The following TMEM106A variants were observed in gnomAD, a reference collection of about 807,000 sequenced individuals.
The protein encoded by TMEM106A is transmembrane protein 106A.
In TMEM106A, 22 loss-of-function variants were observed where a neutral mutation model predicts 25.1. That is an observed-to-expected ratio of 0.88 (90% CI 0.63 to 1.25). TMEM106A has a LOEUF of 1.25. TMEM106A is among the 50% of genes most tolerant of loss of function. The probability of loss-of-function intolerance (pLI) is 0.00; values close to 1 mark genes in which losing one functional copy is unlikely to be tolerated. For synonymous variants in TMEM106A, 104 were observed against 129.9 expected (o/e 0.80, Z 1.35); for missense variants, 275 against 318.1 (o/e 0.86, Z 1.03).
At chr17:43,216,161 A>T in intron 5 of TMEM106A, 1 of 671,560 alleles carries the variant, frequency 1.5e-6, no homozygotes, top group East Asian at 2.7e-5. Context: ...CAGATAAGTA[A>T]ACCACAGGGG....
At chr17:43,215,744 T>C in intron 4 of TMEM106A, 44 bp from the exon 5 acceptor site, 4 of 1,610,258 alleles carry the variant, frequency 2.5e-6, no homozygotes, top group Non-Finnish European at 3.4e-6. Context: ...TCCTTGGTGT[T>C]CAGACTTTTC....
intron 3 of TMEM106A, 34 bp downstream of exon 3, chr17:43,213,286 A>G: frequency 6.2e-7 from 1 of 1,610,370 alleles, no homozygotes; most frequent in Non-Finnish European, 8.5e-7. Context: ...ATAGCCTGGA[A>G]TCCAGGGAAA....
At chr17:43,216,144 T>A in intron 5 of TMEM106A, 2 of 711,892 alleles carry the variant, frequency 2.8e-6, no homozygotes, top group Non-Finnish European at 4.6e-6. Context: ...GGGGTCAGAA[T>A]CCGGGCCAGA....
In TMEM106A at chr17:43,212,893, CTTCCT is replaced by C. The variant is rs2057447646; in HGVS notation, c.-21-126_-21-122del. ...GACCACCCAGTTTTTCACATCCTAT[CTTCCT>C]TAGGCTTGAGCTTGCTTAAACTGTG... is the stretch of plus-strand genomic sequence containing the variant. On this transcript the variant is annotated intron_variant, in intron 2 of 8. Coordinates refer to ENST00000612339, the MANE Select transcript of TMEM106A (RefSeq NM_145041.4). 6 of 670,542 alleles carry C rather than the reference CTTCCT, an allele frequency of 8.9e-6. No individual in the cohort carries two copies. The African/African-American group carries it at 1.1e-4, about 12-fold the overall frequency. 41.5% of individuals were successfully genotyped at this position (670,542 alleles called of 1,614,324 possible).
In TMEM106A at chr17:43,217,043, G is replaced by A. The variant is rs574544598; in HGVS notation, c.615-216G>A. On this transcript the variant is annotated intron_variant, in intron 7 of 8. Coordinates refer to ENST00000612339, the MANE Select transcript of TMEM106A (RefSeq NM_145041.4). ...TGTCTCCTGAATGGGGGTCCAGCAT[G>A]TGCCTGGGCCAAGTGAGTGGAGGTC... The A allele has an allele frequency of 2.7e-5, 17 of 636,262 alleles. No individual in the cohort carries two copies. In the African/African-American group the frequency reaches 2.9e-4, roughly 11 times the overall value. The allele number at this position is 636,262 out of a possible 1,614,324, so 39.4% of individuals were successfully genotyped here.
Position 43,215,870 on chromosome 17 carries a change from A to G in TMEM106A, c.358A>G (p.Ile120Val). The G allele has an allele frequency of 1.9e-6, 3 of 1,613,888 alleles. No individual in the cohort carries two copies. The highest frequency in any genetic ancestry group is 2.5e-6 in the Non-Finnish European group (3 of 1,179,976). Residue 120 changes from isoleucine (I) to valine (V), a missense_variant, in exon 5 of 9, where the codon ATT becomes GTT. Ile to Val is a conservative substitution (Grantham distance 29, BLOSUM62 3). Transcript: ENST00000612339. ...IVFFLFPRSV[I>V]VQPAGLNSST... ...CTTTTTCCTGTTTCCCCGGTCCGTCATTGTGCAGCCTGCAGGCCTCAACTC... is the reference window on the plus strand; with the variant it reads ...CTTTTTCCTGTTTCCCCGGTCCGTCGTTGTGCAGCCTGCAGGCCTCAACTC...
rs2057480666 is a variant in TMEM106A at position 43,215,904 on chromosome 17, T to A, written c.392T>A (p.Val131Glu). ...CCTGCAGGCCTCAACTCCTCCACAG[T>A]GGCCTTTGATGAGGCTGATATCTAC... The part of the protein sequence containing the change: ...VQPAGLNSST[V>E]AFDEADIYLN... Residue 131 changes from valine (V) to glutamate (E), a missense_variant, in exon 5 of 9, where the codon GTG becomes GAG. Transcript: ENST00000612339. 2 of 1,613,978 alleles carry A rather than the reference T, an allele frequency of 1.2e-6. No homozygotes were observed. Among genetic ancestry groups the A allele is most frequent in the Admixed American group, 1.7e-5 (1 of 59,984 alleles).
In TMEM106A at chr17:43,217,697, T is replaced by C. The variant is rs775081146; in HGVS notation, c.685T>C (p.Ser229Pro). The C allele has an allele frequency of 6.2e-7, 1 of 1,614,170 alleles. No homozygotes were observed. The highest frequency in any genetic ancestry group is 8.5e-7 in the Non-Finnish European group (1 of 1,180,012). The change falls in exon 9 of 9, where the codon TCA becomes CCA. Residue 229 changes from serine to proline, a missense_variant. Coordinates refer to ENST00000612339, the MANE Select transcript of TMEM106A (RefSeq NM_145041.4). Reference protein sequence around the residue: ...LLHIQGTLTCSYLSHSEQLVF... With the variant: ...LLHIQGTLTCPYLSHSEQLVF... ...CCTCTCCAGGGGCACCCTGACCTGT[T>C]CATACCTGAGCCATTCAGAGCAGCT...
chr17:43,215,050 G>T (rs1245443124), intron 4 of TMEM106A, among the ~76,000 whole-genome samples: 2 of 151,400 alleles, frequency 1.3e-5, no homozygotes, highest in Non-Finnish European at 2.9e-5. Flanking sequence ...TTTGAGACCA[G>T]CCTGACCAAC....
At chr17:43,216,973 T>C (rs963297504) in intron 7 of TMEM106A, 26 of 633,634 alleles carry the variant, frequency 4.1e-5, no homozygotes, top group Middle Eastern at 4.3e-4. Context: ...ATATGTGACC[T>C]TGGGCTCTTC....
intron 5 of TMEM106A, among the ~76,000 whole-genome samples, chr17:43,216,244 C>A (rs2057484774): frequency 6.6e-6 from 1 of 152,158 alleles, no homozygotes; most frequent in South Asian, 2.1e-4. Context: ...ACAGGATGGA[C>A]CTGGATCCTG....
In TMEM106A at chr17:43,215,924, A is replaced by G; in HGVS notation, c.412A>G (p.Ile138Val). 6.2e-7 allele frequency: 1 copy of G among 1,614,102 alleles called. No individual in the cohort carries two copies. Among genetic ancestry groups the G allele is most frequent in the South Asian group, 1.1e-5 (1 of 91,070 alleles). Residue 138 changes from isoleucine (I) to valine (V), a missense_variant, in exon 5 of 9, where the codon ATC (isoleucine) becomes GTC (valine). By Grantham distance (29) the Ile-to-Val change is conservative. Coordinates refer to ENST00000612339, the MANE Select transcript of TMEM106A (RefSeq NM_145041.4). Reference protein sequence around the residue: ...SSTVAFDEADIYLNITNILNI... With the variant: ...SSTVAFDEADVYLNITNILNI... ...CACAGTGGCCTTTGATGAGGCTGAT[A>G]TCTACCTCAACATAACGGTGGGTGG...
intron 4 of TMEM106A, among the ~76,000 whole-genome samples, chr17:43,215,031 G>C (rs142866672): frequency 0.038 from 5,685 of 151,378 alleles, 358 homozygotes; most frequent in African/African-American, 0.13. Context: ...CAGATCACGA[G>C]GTCAGGAGTT....
chr17:43,216,171 G>C, intron 5 of TMEM106A: 1 of 652,616 alleles, frequency 1.5e-6, no homozygotes. Context: ...AACCACAGGG[G>C]TGGAGTGGGG....
At chr17:43,215,674 G>C (rs1276950872) in intron 4 of TMEM106A, 114 bp from the exon 5 acceptor site, 1 of 1,121,996 alleles carries the variant, frequency 8.9e-7, no homozygotes, top group African/African-American at 1.6e-5. Context: ...TGTTGTTGGG[G>C]TAGTGTGCAG....
In TMEM106A at chr17:43,213,201, G is replaced by A. The variant is rs901569337; in HGVS notation, c.160G>A (p.Ala54Thr). Residue 54 changes from alanine (A) to threonine (T), a missense_variant, in exon 3 of 9, where the codon GCC becomes ACC. Physicochemically the swap from Ala to Thr is moderately conservative, Grantham distance 58. Coordinates refer to ENST00000612339, the MANE Select transcript of TMEM106A (RefSeq NM_145041.4). ...SCVPCEGTAD[A>T]SFVTCPTCQG... Reference sequence around the variant, plus strand: ...TGTGCCTTGTGAAGGAACTGCTGATGCCAGCTTCGTGACTTGTCCCACCTG... The same window carrying A: ...TGTGCCTTGTGAAGGAACTGCTGATACCAGCTTCGTGACTTGTCCCACCTG... The A allele has an allele frequency of 3.1e-6, 5 of 1,614,096 alleles. No homozygotes were observed. The African/African-American group carries it at 6.7e-5, about 22-fold the overall frequency.
rs1598033635 is a variant in TMEM106A at position 43,216,905 on chromosome 17, T to C, written c.614+165T>C. On this transcript the variant is annotated intron_variant, in intron 7 of 8. Coordinates refer to ENST00000612339, the MANE Select transcript of TMEM106A (RefSeq NM_145041.4). ...GCAAGGGTTCAGGGTCCCCAGCCTCTGCTTGTTTGGACCTTGATTAGAATG... is the reference window on the plus strand; with the variant it reads ...GCAAGGGTTCAGGGTCCCCAGCCTCCGCTTGTTTGGACCTTGATTAGAATG... The C allele has an allele frequency of 3.5e-6, 3 of 869,410 alleles. No homozygotes were observed. The East Asian group carries it at 7.4e-5, about 21-fold the overall frequency. The allele number at this position is 869,410 out of a possible 1,614,324, so 53.9% of individuals were successfully genotyped here. A position where few individuals can be genotyped will look rare whatever the true frequency, so the allele number is the denominator to read the frequency against.
At position 43,212,306 on chromosome 17, in the gene TMEM106A, T is replaced by A. The variant is rs1418084870; in HGVS notation, c.-110T>A. 6.5e-6 allele frequency: 1 copy of A among 152,672 alleles called. No individual in the cohort carries two copies. The highest frequency in any genetic ancestry group is 1.5e-5 in the Non-Finnish European group (1 of 68,318). The allele number at this position is 152,672 out of a possible 1,614,324, so 9.5% of individuals were successfully genotyped here. On this transcript the variant is annotated 5_prime_UTR_variant, in exon 2 of 9. Transcript: ENST00000612339. ...CAGCTCAGCCCAGCCCAGCCCACTC[T>A]GCCCTTAGAGGCCCTTCTCCCCAAA... is the stretch of plus-strand genomic sequence containing the variant.
chr17:43,217,754 C>T lies in TMEM106A; in HGVS notation c.742C>T (p.Arg248Ter), dbSNP rs758505331. 33 of 1,613,970 alleles carry T rather than the reference C, an allele frequency of 2.0e-5. No homozygotes were observed. The highest frequency in any genetic ancestry group is 4.0e-5 in the African/African-American group (3 of 74,912). Residue 248 changes from arginine (R) to a stop codon, truncating the protein, a stop_gained, in exon 9 of 9, where the codon CGA becomes TGA. Coordinates refer to ENST00000612339, the MANE Select transcript of TMEM106A (RefSeq NM_145041.4). LOFTEE classifies it low-confidence loss of function (END_TRUNC). ...TCAGAGCTATGAATATGTGGACTGC[C>T]GAGGAAACGCATCTGTGCCCCACCA... ...VFQSYEYVDC[R>*]GNASVPHQLT...
Sources: allele counts gnomAD v4.1 joint callset (sites outside exome capture counted in the v4.1 genomes callset), GRCh38; gene constraint gnomAD v4.1.1; transcripts MANE v1.5; gene names NCBI Gene and HGNC (gene_info 2026-07-23, HGNC 2026-07-21).